Variants in VSTM2B observed in about 807,000 individuals in gnomAD.
VSTM2B encodes V-set and transmembrane domain-containing protein 2B.
A neutral mutation model predicts 24.0 loss-of-function variants in VSTM2B; 24 were observed. The observed-to-expected ratio is 1.00, with a 90% CI of 0.72 to 1.40. VSTM2B has a LOEUF of 1.40. Among genes scored for constraint, VSTM2B ranks in the 40% most tolerant of loss-of-function variants. VSTM2B has a pLI of 0.00. For synonymous variants in VSTM2B, 226 were observed against 194.4 expected (o/e 1.16, Z -1.35); for missense variants, 399 against 416.4 (o/e 0.96, Z 0.36).
chr19:29,553,848 A>G (rs1372729023), intron 4 of VSTM2B, among the ~76,000 whole-genome samples: 1 of 152,224 alleles, frequency 6.6e-6, no homozygotes, highest in Non-Finnish European at 1.5e-5. Flanking sequence ...TCTCACTGAA[A>G]TAAGACCAGC....
In VSTM2B at chr19:29,527,837, C is replaced by G. The variant is rs1234879629; in HGVS notation, c.267+442C>G. On this transcript the variant is annotated intron_variant, in intron 2 of 4. Transcript: ENST00000335523. ...GAGTACCGGAAAGCCGGCAGGACCTCCAGCCCTCAGGGGCACAGAGGGGCC... is the reference window on the plus strand; with the variant it reads ...GAGTACCGGAAAGCCGGCAGGACCTGCAGCCCTCAGGGGCACAGAGGGGCC... Among the ~76,000 whole-genome samples the G allele has an allele frequency of 3.3e-5, 5 of 152,200 alleles. No individual in the cohort carries two copies. The East Asian group carries it at 9.7e-4, about 29-fold the overall frequency.
intron 4 of VSTM2B, among the ~76,000 whole-genome samples, chr19:29,548,843 G>A (rs1256058195): frequency 1.3e-5 from 2 of 152,212 alleles, no homozygotes; most frequent in Admixed American, 6.5e-5. Flanking sequence ...CCTGCGCCAG[G>A]CCTGGCACAT....
intron 4 of VSTM2B, among the ~76,000 whole-genome samples, chr19:29,547,742 G>T (rs1182757833): frequency 6.6e-6 from 1 of 152,172 alleles, no homozygotes; most frequent in Non-Finnish European, 1.5e-5. Context: ...AGCCCTCTGT[G>T]TTTGGGTGCT....
intron 4 of VSTM2B, among the ~76,000 whole-genome samples, chr19:29,552,976 GC>G (rs1378626380): frequency 1.3e-5 from 2 of 152,170 alleles, no homozygotes; most frequent in Non-Finnish European, 2.9e-5. Context: ...CTGGGACTGA[GC>G]CCCTCAGGGG....
Position 29,530,303 on chromosome 19 carries a change from G to A in VSTM2B, c.769+13G>A, listed in dbSNP as rs1193113360. 2 of 1,487,356 alleles carry A rather than the reference G, an allele frequency of 1.3e-6. No homozygotes were observed. Among genetic ancestry groups the A allele is most frequent in the South Asian group, 1.3e-5 (1 of 79,302 alleles). The allele number at this position is 1,487,356 out of a possible 1,614,324, so 92.1% of individuals were successfully genotyped here. ...AGGCACGGCTCGGGTAAGGGATCGCGGAGAGGGGGCGCACGCGCGGGGATG... is the reference window on the plus strand; with the variant it reads ...AGGCACGGCTCGGGTAAGGGATCGCAGAGAGGGGGCGCACGCGCGGGGATG... On this transcript the variant is annotated intron_variant, in intron 4 of 4. Coordinates refer to ENST00000335523, the MANE Select transcript of VSTM2B (RefSeq NM_001146339.2).
chr19:29,556,691 A>T (rs1047629587), intron 4 of VSTM2B, among the ~76,000 whole-genome samples: 2 of 152,230 alleles, frequency 1.3e-5, no homozygotes, highest in Non-Finnish European at 2.9e-5. Flanking sequence ...CAGGATACAA[A>T]ATCATTGTGC....
chr19:29,558,426 C>A (rs1970459013), intron 4 of VSTM2B, among the ~76,000 whole-genome samples: 1 of 152,158 alleles, frequency 6.6e-6, no homozygotes, highest in Non-Finnish European at 1.5e-5. Context: ...TTCACTGCAG[C>A]ACTATTCACA....
chr19:29,549,706 G>A (rs756686267), intron 4 of VSTM2B, among the ~76,000 whole-genome samples: 3 of 152,324 alleles, frequency 2.0e-5, no homozygotes, highest in East Asian at 1.9e-4. Flanking sequence ...CAGGGAAAAG[G>A]ATGGGGTTTG....
chr19:29,545,790 GA>G (rs1477641965), intron 4 of VSTM2B, among the ~76,000 whole-genome samples: 1 of 152,108 alleles, frequency 6.6e-6, no homozygotes, highest in Non-Finnish European at 1.5e-5. Flanking sequence ...GTGCTATGAT[GA>G]ACATACAGGT....
At chr19:29,550,766 C>T (rs915482094) in intron 4 of VSTM2B, among the ~76,000 whole-genome samples, 6 of 152,094 alleles carry the variant, frequency 3.9e-5, no homozygotes, top group Non-Finnish European at 8.8e-5. Flanking sequence ...AGCCTGTTGT[C>T]CATTTTTGTG....
Position 29,563,838 on chromosome 19 carries a change from C to T in VSTM2B, c.770-8C>T, listed in dbSNP as rs113762882. 2.0e-3 allele frequency: 3,100 copies of T among 1,551,920 alleles called. 58 individuals carry two copies. The African/African-American group carries it at 0.038, about 19-fold the overall frequency. ...TGTTAACCTTGCCTGTTTTCTCATC[C>T]CCTGCAGGCACCGGCCGTAGCTACA... On this transcript the variant is annotated splice_region_variant and splice_polypyrimidine_tract_variant and intron_variant, in intron 4 of 4. Coordinates refer to ENST00000335523, the MANE Select transcript of VSTM2B (RefSeq NM_001146339.2).
At chr19:29,531,005 G>A (rs904332081) in intron 4 of VSTM2B, among the ~76,000 whole-genome samples, 18 of 150,572 alleles carry the variant, frequency 1.2e-4, no homozygotes, top group African/African-American at 3.9e-4. Flanking sequence ...TGGGGATGGG[G>A]GGCGGGATGT....
At chr19:29,544,145 A>G (rs901237135) in intron 4 of VSTM2B, among the ~76,000 whole-genome samples, 1 of 151,382 alleles carries the variant, frequency 6.6e-6, no homozygotes, top group African/African-American at 2.4e-5. Context: ...ATTATATTAA[A>G]TATATATTTA....
chr19:29,531,827 C>CAA (rs1334309530), intron 4 of VSTM2B, among the ~76,000 whole-genome samples: 1 of 152,224 alleles, frequency 6.6e-6, no homozygotes, highest in East Asian at 1.9e-4. Flanking sequence ...TTTAATATTC[C>CAA]TCGTTCATAT....
rs77197166 is a variant in VSTM2B at position 29,533,695 on chromosome 19, A to G, written c.769+3405A>G. Among the ~76,000 whole-genome samples the G allele has an allele frequency of 9.8e-5, 15 of 152,334 alleles. No homozygotes were observed. In the East Asian group the frequency reaches 2.9e-3, roughly 29 times the overall value. ...GTGTCCCACCTCACCCCGGTCACCCAAGGCCACCCAGGCTGTGTGCTGTCA... is the reference window on the plus strand; with the variant it reads ...GTGTCCCACCTCACCCCGGTCACCCGAGGCCACCCAGGCTGTGTGCTGTCA... On this transcript the variant is annotated intron_variant, in intron 4 of 4. Transcript: ENST00000335523.
intron 4 of VSTM2B, among the ~76,000 whole-genome samples, chr19:29,552,049 C>G (rs778730219): frequency 3.3e-5 from 5 of 152,320 alleles, no homozygotes; most frequent in Admixed American, 2.0e-4. Context: ...TTGGAACAGA[C>G]AGTGTGATCC....
Position 29,527,368 on chromosome 19 carries a change from G to A in VSTM2B, c.240G>A (p.Ala80=), listed in dbSNP as rs1295326400. 4.3e-5 allele frequency: 67 copies of A among 1,542,290 alleles called. No individual in the cohort carries two copies. Among genetic ancestry groups the A allele is most frequent in the Non-Finnish European group, 5.5e-5 (63 of 1,144,584 alleles). ...CCCGGGAGCTGCTGCACGAGCTGGC[G>A]CTCAGCGTGCCGGGCGCCCGGAGCA... ...EPPRELLHEL[A]LSVPGARSKV... Residue 80 remains alanine, a synonymous_variant, in exon 2 of 5, where the codon GCG becomes GCA. Coordinates refer to ENST00000335523, the MANE Select transcript of VSTM2B (RefSeq NM_001146339.2).
intron 3 of VSTM2B, chr19:29,528,837 C>T (rs1969650862): frequency 1.1e-6 from 1 of 907,288 alleles, no homozygotes; most frequent in Non-Finnish European, 1.3e-6. Context: ...ACCGTGGCGC[C>T]AGCTTCCCGC....
At chr19:29,529,300 G>A (rs1189004780) in intron 3 of VSTM2B, among the ~76,000 whole-genome samples, 1 of 151,532 alleles carries the variant, frequency 6.6e-6, no homozygotes, top group Non-Finnish European at 1.5e-5. Flanking sequence ...TGTAAAGGGC[G>A]GGGTCCGGTG....
Sources: allele counts gnomAD v4.1 joint callset (sites outside exome capture counted in the v4.1 genomes callset), GRCh38; gene constraint gnomAD v4.1.1; transcripts MANE v1.5; gene names NCBI Gene and HGNC (gene_info 2026-07-23, HGNC 2026-07-21).